Variants in SHOC1 observed in about 807,000 individuals in gnomAD.
SHOC1 encodes the protein protein shortage in chiasmata 1 ortholog.
Under a neutral mutation model 179.2 loss-of-function variants are expected in SHOC1, and 136 were observed. That is an observed-to-expected ratio of 0.76 (90% CI 0.66 to 0.87). The LOEUF (loss-of-function observed/expected upper bound fraction) is 0.87, where lower values mean the gene tolerates loss of function less well. SHOC1 is among the 40% of genes least tolerant of loss of function. SHOC1 has a pLI of 0.00. For synonymous variants in SHOC1, 489 were observed against 586.6 expected, an observed-to-expected ratio of 0.83 and a Z score of 2.41; for missense variants, 1,538 against 1,700.8, an observed-to-expected ratio of 0.90 and a Z score of 1.68.
chr9:111,743,231 A>C (rs1834121901), intron 10 of SHOC1, among the ~76,000 whole-genome samples: 8 of 152,144 alleles, frequency 5.3e-5, no homozygotes, highest in Admixed American at 5.2e-4. Flanking sequence ...TTTCAAAAAA[A>C]TTTTAACACC....
At chr9:111,705,449 T>G in intron 20 of SHOC1, 85 bp from the exon 21 acceptor site, 3 of 539,014 alleles carry the variant, frequency 5.6e-6, no homozygotes, top group Non-Finnish European at 3.2e-6. Flanking sequence ...AACATGAGGA[T>G]AAGTAGGAGT....
rs1213521605 is a variant in SHOC1 at position 111,768,768 on chromosome 9, A to G, written c.442+7023T>C. 2.6e-5 allele frequency among the ~76,000 whole-genome samples: 4 copies of G among 152,056 alleles called. No homozygotes were observed. In the East Asian group the frequency reaches 5.8e-4, roughly 22 times the overall value. The stretch of plus-strand genomic sequence containing the variant: ...GCCCTTTATTTCTTTCTCTTGCTCA[A>G]TTGCTCTGGCCAGGACTTCACGTTT... On this transcript the variant is annotated intron_variant, in intron 5 of 27. Coordinates refer to ENST00000682961, the MANE Select transcript of SHOC1 (RefSeq NM_001378211.1).
At position 111,748,168 on chromosome 9, in the gene SHOC1, G is replaced by A. The variant is rs768421693; in HGVS notation, c.894C>T (p.Ile298=). 14 of 1,613,050 alleles carry A rather than the reference G, an allele frequency of 8.7e-6. No individual in the cohort carries two copies. Among genetic ancestry groups the A allele is most frequent in the Admixed American group, 6.7e-5 (4 of 59,962 alleles). The part of the protein sequence containing the change: ...DLTNKHGIED[I]GDIKFSSTEI... The stretch of plus-strand genomic sequence containing the variant: ...CTGTGGAGCTGAATTTTATATCCCC[G>A]ATATCCTCAATTCCATGCTTGTTAG... The change falls in exon 9 of 28, where the codon ATC becomes ATT. Residue 298 remains isoleucine (I), a synonymous_variant. Transcript: ENST00000682961.
At chr9:111,746,810 A>G (rs978663160) in intron 9 of SHOC1, among the ~76,000 whole-genome samples, 3 of 152,308 alleles carry the variant, frequency 2.0e-5, no homozygotes, top group African/African-American at 2.4e-5. Context: ...ATGTCTATCT[A>G]TATAAGGAAT....
intron 5 of SHOC1, among the ~76,000 whole-genome samples, chr9:111,772,915 A>C (rs1835678766): frequency 1.3e-5 from 2 of 152,154 alleles, no homozygotes; most frequent in Non-Finnish European, 2.9e-5. Context: ...TCCAAGATGG[A>C]GGGAAAGCTA....
intron 5 of SHOC1, among the ~76,000 whole-genome samples, chr9:111,764,736 G>A (rs1189308461): frequency 2.0e-5 from 3 of 152,100 alleles, no homozygotes; most frequent in Non-Finnish European, 4.4e-5. Flanking sequence ...ATAAACAAAT[G>A]ACAAAAGGAA....
At chr9:111,690,709 G>A (rs544057609) in intron 27 of SHOC1, among the ~76,000 whole-genome samples, 1 of 152,276 alleles carries the variant, frequency 6.6e-6, no homozygotes, top group East Asian at 1.9e-4. Flanking sequence ...CCATTAAAGT[G>A]AGGAACAAAA....
chr9:111,714,723 T>A, intron 16 of SHOC1, 100 bp from the exon 17 acceptor site: 1 of 1,052,696 alleles, frequency 9.5e-7, no homozygotes, highest in Non-Finnish European at 1.4e-6. Flanking sequence ...GCAGAGACAG[T>A]TAAAATTTCC....
intron 5 of SHOC1, among the ~76,000 whole-genome samples, chr9:111,773,330 G>A (rs1172769343): frequency 6.6e-6 from 1 of 151,750 alleles, no homozygotes; most frequent in Non-Finnish European, 1.5e-5. Flanking sequence ...ATTATTTTTT[G>A]AGATGGAGTT....
Position 111,691,867 on chromosome 9 carries a change from G to A in SHOC1, c.4110C>T (p.His1370=), listed in dbSNP as rs1333244449. The change falls in exon 27 of 28, where the codon CAC becomes CAT. Residue 1370 remains histidine, a synonymous_variant. Coordinates refer to ENST00000682961, the MANE Select transcript of SHOC1 (RefSeq NM_001378211.1). The stretch of plus-strand genomic sequence containing the variant: ...GTGCACCATATTGTAAGTTGAACGG[G>A]TGATTCTCTTGTTCCCATATATTTT... ...FKKNIWEQEN[H]PFNLQYGAQQ... is the part of the protein sequence containing the mutation. The A allele has an allele frequency of 6.2e-7, 1 of 1,613,768 alleles. No homozygotes were observed. The highest frequency in any genetic ancestry group is 8.5e-7 in the Non-Finnish European group (1 of 1,179,904).
At chr9:111,769,986 G>GTTTTAGTTTCATGTATTTTTTCTTTTTT (rs1835522264) in intron 5 of SHOC1, among the ~76,000 whole-genome samples, 1 of 77,662 alleles carries the variant, frequency 1.3e-5, no homozygotes, top group Non-Finnish European at 2.4e-5. Context: ...TTTTTTTTTT[G>GTTTTAGTTTCATGTATTTTTTCTTTTTT]TTTTTTTTTT....
intron 8 of SHOC1, among the ~76,000 whole-genome samples, chr9:111,749,768 T>C (rs1258246987): frequency 1.3e-5 from 2 of 152,132 alleles, no homozygotes; most frequent in Non-Finnish European, 2.9e-5. Context: ...AGTGAGAACA[T>C]GTGGTGTTTG....
Position 111,768,097 on chromosome 9 carries a change from T to G in SHOC1, c.442+7694A>C, listed in dbSNP as rs147727108. On this transcript the variant is annotated intron_variant, in intron 5 of 27. Transcript: ENST00000682961. ...AGTTTTTCTTATATAGATCTTTCAC[T>G]TCTTTGGTTAGAATGATTTCTAGGT... 3.0e-3 allele frequency among the ~76,000 whole-genome samples: 451 copies of G among 152,304 alleles called. 2 individuals carry two copies. Among genetic ancestry groups the G allele is most frequent in the African/African-American group, 9.7e-3 (405 of 41,584 alleles).
chr9:111,736,330 G>T (rs1833810968), intron 12 of SHOC1, among the ~76,000 whole-genome samples: 1 of 152,132 alleles, frequency 6.6e-6, no homozygotes, highest in African/African-American at 2.4e-5. Context: ...TAGGGCTAGG[G>T]TAACCAAAAT....
At chr9:111,778,704 G>C (rs1835921485) in intron 4 of SHOC1, among the ~76,000 whole-genome samples, 2 of 146,460 alleles carry the variant, frequency 1.4e-5, no homozygotes, top group Non-Finnish European at 1.5e-5. Context: ...CTGGGAGGTA[G>C]AGGTTGCAGT....
intron 2 of SHOC1, among the ~76,000 whole-genome samples, 172 bp from the exon 3 acceptor site, chr9:111,786,207 G>A (rs573685420): frequency 2.1e-4 from 32 of 152,192 alleles, no homozygotes; most frequent in Non-Finnish European, 4.0e-4. Flanking sequence ...AGGCCCAGGC[G>A]GGCAGATCAC....
At position 111,784,558 on chromosome 9, in the gene SHOC1, A is replaced by G. The variant is rs373174554; in HGVS notation, c.169+1354T>C. Among the ~76,000 whole-genome samples the G allele has an allele frequency of 2.0e-5, 3 of 152,198 alleles. No individual in the cohort carries two copies. The East Asian group carries it at 5.8e-4, about 29-fold the overall frequency. On this transcript the variant is annotated intron_variant, in intron 3 of 27. Coordinates refer to ENST00000682961, the MANE Select transcript of SHOC1 (RefSeq NM_001378211.1). ...CACCCTTTCTATTCTCCAGACAATC[A>G]TAACTATCTTTCTACAGCATAAATC... is the stretch of plus-strand genomic sequence containing the variant.
intron 8 of SHOC1, among the ~76,000 whole-genome samples, chr9:111,755,702 A>T (rs571890083): frequency 6.6e-6 from 1 of 152,198 alleles, no homozygotes; most frequent in Non-Finnish European, 1.5e-5. Context: ...GAAGTTGATA[A>T]TGTTTTTATT....
At chr9:111,741,921 C>T (rs1357189210) in intron 10 of SHOC1, among the ~76,000 whole-genome samples, 2 of 152,110 alleles carry the variant, frequency 1.3e-5, no homozygotes, top group Non-Finnish European at 1.5e-5. Flanking sequence ...TGTGAGCCAC[C>T]GCGCCTGGCC....
Sources: gnomAD v4.1 joint callset for allele counts (sites outside exome capture counted in the v4.1 genomes callset) on GRCh38, gnomAD v4.1.1 for gene constraint, MANE v1.5 for transcripts, NCBI Gene and HGNC (gene_info 2026-07-23, HGNC 2026-07-21) for gene names.